The following CGNL1 variants were observed in gnomAD, a reference collection of about 807,000 sequenced individuals.
The protein encoded by CGNL1 is cingulin like 1.
A neutral mutation model predicts 141.2 loss-of-function variants in CGNL1; 132 were observed. That is an observed-to-expected ratio of 0.93 (90% CI 0.81 to 1.08). The LOEUF (loss-of-function observed/expected upper bound fraction) is 1.08. Ranked by LOEUF, CGNL1 falls within the 50% of genes least tolerant of loss-of-function variation. The pLI is 0.00. For synonymous variants in CGNL1, 690 were observed against 622.1 expected, an observed-to-expected ratio of 1.11 and a Z score of -1.63; for missense variants, 1,870 against 1,588.6, an observed-to-expected ratio of 1.18 and a Z score of -3.01.
rs575638305 is a variant in CGNL1, at chr15:57,498,595, C to CA, written c.2404-18180dup. 2.0e-4 allele frequency among the ~76,000 whole-genome samples: 31 copies of CA among 151,936 alleles called. No individual in the cohort carries two copies. In the South Asian group the frequency reaches 6.5e-3, roughly 32 times the overall value. On this transcript the variant is annotated intron_variant, in intron 8 of 18. Coordinates refer to ENST00000281282, the MANE Select transcript of CGNL1 (RefSeq NM_032866.5). ...CCAGACACTGTATTAAGCCTATGAG[C>CA]AAAAATGGATGCATGCTGTCTATCC...
intron 4 of CGNL1, among the ~76,000 whole-genome samples, chr15:57,445,961 T>G (rs1260464439): frequency 1.3e-5 from 2 of 152,214 alleles, no homozygotes; most frequent in African/African-American, 2.4e-5. Flanking sequence ...CTCTTCATTA[T>G]GGAAATGTAA....
In CGNL1 at chr15:57,461,870, A is replaced by G. The variant is rs746508636; in HGVS notation, c.2381A>G (p.Glu794Gly). The G allele has an allele frequency of 9.9e-6, 16 of 1,613,664 alleles. No homozygotes were observed. In the South Asian group the frequency reaches 1.3e-4, roughly 13 times the overall value. The change falls in exon 8 of 19, where the codon GAG becomes GGG. Residue 794 changes from glutamate to glycine, a missense_variant. Transcript: ENST00000281282. Reference sequence around the variant, plus strand: ...GATGCTGAGTTGCAGGCCCTGAGGGAGAGTGTGGAAGAAGCAACCAAGGTG... The same window carrying G: ...GATGCTGAGTTGCAGGCCCTGAGGGGGAGTGTGGAAGAAGCAACCAAGGTG... ...QYDAELQALR[E>G]SVEEATKNVE... is the part of the protein sequence containing the mutation.
At position 57,461,879 on chromosome 15, in the gene CGNL1, A is replaced by G. The variant is rs1217189678; in HGVS notation, c.2390A>G (p.Glu797Gly). ...AELQALRESVEEATKNVEVLA... is the reference protein window; with the variant it reads ...AELQALRESVGEATKNVEVLA... ...TTGCAGGCCCTGAGGGAGAGTGTGG[A>G]AGAAGCAACCAAGGTGAGGGATGGG... Residue 797 changes from glutamate to glycine, a missense_variant, in exon 8 of 19, where the codon GAA becomes GGA. Coordinates refer to ENST00000281282, the MANE Select transcript of CGNL1 (RefSeq NM_032866.5). 2 of 1,613,620 alleles carry G rather than the reference A, an allele frequency of 1.2e-6. No individual in the cohort carries two copies. The highest frequency in any genetic ancestry group is 2.7e-5 in the African/African-American group (2 of 74,884).
intron 8 of CGNL1, among the ~76,000 whole-genome samples, chr15:57,484,736 G>A (rs529335968): frequency 4.5e-4 from 69 of 152,010 alleles, no homozygotes; most frequent in African/African-American, 1.6e-3. Flanking sequence ...CCACTGACAG[G>A]CCCCGGTGTG....
chr15:57,482,862 G>A (rs2063742839), intron 8 of CGNL1, among the ~76,000 whole-genome samples: 1 of 150,894 alleles, frequency 6.6e-6, no homozygotes, highest in African/African-American at 2.4e-5. Flanking sequence ...TCTGCTCACT[G>A]CAACCTCTGC....
chr15:57,427,549 A>G (rs1222933141), intron 1 of CGNL1, among the ~76,000 whole-genome samples: 2 of 152,234 alleles, frequency 1.3e-5, no homozygotes, highest in East Asian at 3.8e-4. Context: ...TTTGCTCATG[A>G]TGCACATTCC....
intron 1 of CGNL1, among the ~76,000 whole-genome samples, chr15:57,395,517 C>T (rs181581666): frequency 2.3e-4 from 35 of 152,306 alleles, no homozygotes; most frequent in Admixed American, 5.9e-4. Context: ...ACAGCCTTTG[C>T]GTCTGGCCTT....
At chr15:57,413,191 T>TTCTCTTTC (rs1387480449) in intron 1 of CGNL1, among the ~76,000 whole-genome samples, 5 of 65,668 alleles carry the variant, frequency 7.6e-5, no homozygotes, top group Non-Finnish European at 1.3e-4. Context: ...CTTTCTCTCT[T>TTCTCTTTC]TCTCTTTCTC....
intron 7 of CGNL1, among the ~76,000 whole-genome samples, chr15:57,454,925 A>G (rs1358774787): frequency 6.6e-6 from 1 of 152,176 alleles, no homozygotes; most frequent in African/African-American, 2.4e-5. Flanking sequence ...GGGGACGTAC[A>G]CATACTTTCC....
intron 1 of CGNL1, among the ~76,000 whole-genome samples, chr15:57,436,361 C>T (rs2063105658): frequency 6.6e-6 from 1 of 152,186 alleles, no homozygotes; most frequent in South Asian, 2.1e-4. Context: ...GTCACTTGGC[C>T]TAAGCTTTTG....
Position 57,438,822 on chromosome 15 carries a change from G to C in CGNL1, c.823G>C (p.Val275Leu). 3 of 1,614,168 alleles carry C rather than the reference G, an allele frequency of 1.9e-6. No individual in the cohort carries two copies. The highest frequency in any genetic ancestry group is 2.5e-6 in the Non-Finnish European group (3 of 1,180,036). ...HPETKKTRPD[V>L]LPFRRQDSAG... is the part of the protein sequence containing the mutation. ...TGAAACCAAGAAAACCAGGCCAGAT[G>C]TTCTTCCCTTCCGGCGACAGGATTC... is the stretch of plus-strand genomic sequence containing the variant. The change falls in exon 2 of 19, where the codon GTT (valine) becomes CTT (leucine). Residue 275 changes from valine (V) to leucine (L), a missense_variant. Physicochemically the swap from Val to Leu is conservative, Grantham distance 32. Coordinates refer to ENST00000281282, the MANE Select transcript of CGNL1 (RefSeq NM_032866.5).
chr15:57,440,359 A>G lies in CGNL1; in HGVS notation c.1603-18A>G, dbSNP rs202218638. 48 of 1,574,260 alleles carry G rather than the reference A, an allele frequency of 3.0e-5. No individual in the cohort carries two copies. The highest frequency in any genetic ancestry group is 3.5e-5 in the Non-Finnish European group (40 of 1,154,458). On this transcript the variant is annotated intron_variant, in intron 2 of 18. Transcript: ENST00000281282. ...GGAACTTCATCCTCATGGTCTAACA[A>G]CAGGCCTTATGTTCCAGGCCACACC...
intron 18 of CGNL1, 111 bp from the exon 19 acceptor site, chr15:57,547,244 G>A (rs974530445): frequency 8.3e-7 from 1 of 1,202,584 alleles, no homozygotes. Context: ...TTTCTTTTCT[G>A]TGCCACTCAG....
chr15:57,522,338 T>C (rs1362744414), intron 10 of CGNL1, among the ~76,000 whole-genome samples: 1 of 152,236 alleles, frequency 6.6e-6, no homozygotes, highest in African/African-American at 2.4e-5. Flanking sequence ...TCTGTTCCTA[T>C]GCTCTGCAAA....
intron 8 of CGNL1, among the ~76,000 whole-genome samples, chr15:57,487,492 G>A (rs990375080): frequency 1.6e-4 from 24 of 152,166 alleles, no homozygotes; most frequent in African/African-American, 5.1e-4. Flanking sequence ...AAAGCATTTT[G>A]AGGAATTCTT....
chr15:57,476,859 C>G (rs2063663582), intron 8 of CGNL1, among the ~76,000 whole-genome samples: 1 of 152,192 alleles, frequency 6.6e-6, no homozygotes. Context: ...GCTGTTTTGT[C>G]AGCAGTGAGT....
intron 4 of CGNL1, among the ~76,000 whole-genome samples, chr15:57,447,225 T>A (rs754486202): frequency 6.6e-6 from 1 of 152,208 alleles, no homozygotes; most frequent in Non-Finnish European, 1.5e-5. Flanking sequence ...GTCTCGCACA[T>A]CTTTCATTTA....
chr15:57,407,440 A>C (rs1456696722), intron 1 of CGNL1, among the ~76,000 whole-genome samples: 2 of 152,136 alleles, frequency 1.3e-5, no homozygotes, highest in Admixed American at 1.3e-4. Flanking sequence ...CTCAATTTTT[A>C]GAGGGAAGGA....
rs780239153 is a variant in CGNL1 at position 57,544,556 on chromosome 15, C to T, written c.3459C>T (p.Ala1153=). 6.2e-7 allele frequency: 1 copy of T among 1,606,022 alleles called. No individual in the cohort carries two copies. Among genetic ancestry groups the T allele is most frequent in the Admixed American group, 1.7e-5 (1 of 58,584 alleles). ...AGGGGCTGGTTGTGCAGATGGAGGC[C>T]AGGATCGCGGAGCTGGAGGACCGCC... ...SKEGLVVQME[A]RIAELEDRLE... The change falls in exon 16 of 19, where the codon GCC becomes GCT. Residue 1153 remains alanine (A), a synonymous_variant. Coordinates refer to ENST00000281282, the MANE Select transcript of CGNL1 (RefSeq NM_032866.5).
Sources: gnomAD v4.1 joint callset for allele counts (sites outside exome capture counted in the v4.1 genomes callset) on GRCh38, gnomAD v4.1.1 for gene constraint, MANE v1.5 for transcripts, NCBI Gene and HGNC (gene_info 2026-07-23, HGNC 2026-07-21) for gene names.